Variants in STK32B observed in about 807,000 individuals in gnomAD.
The protein encoded by STK32B is serine/threonine-protein kinase 32B.
STK32B carries 43 observed loss-of-function variants against 52.6 expected under a neutral mutation model. The ratio of observed to expected loss-of-function variants is 0.82; its 90% CI spans 0.64 to 1.05. STK32B has a LOEUF of 1.05. STK32B is among the 50% of genes least tolerant of loss of function. The pLI, the probability that STK32B is intolerant of heterozygous loss-of-function variation, is 0.00. For synonymous variants in STK32B, 238 were observed against 204.3 expected (o/e 1.17, Z -1.41); for missense variants, 621 against 534.6 (o/e 1.16, Z -1.59).
chr4:5,319,845 C>T (rs985079418), intron 3 of STK32B, among the ~76,000 whole-genome samples: 2 of 152,150 alleles, frequency 1.3e-5, no homozygotes, highest in African/African-American at 4.8e-5. Context: ...GGAGAACTGA[C>T]CTGCAGAGGA....
chr4:5,317,203 T>TAC (rs1731054930), intron 3 of STK32B, among the ~76,000 whole-genome samples: 2 of 44,610 alleles, frequency 4.5e-5, no homozygotes, highest in African/African-American at 3.5e-4. Context: ...ATATATATAT[T>TAC]ATATATATAA....
chr4:5,396,879 G>A lies in STK32B; in HGVS notation c.435-1328G>A, dbSNP rs1373808634. ...TCTGCCTTTTGTTTTAATTTTATAAGTTCTCAAGTTCATCCCTCCCATGTG... is the reference window on the plus strand; with the variant it reads ...TCTGCCTTTTGTTTTAATTTTATAAATTCTCAAGTTCATCCCTCCCATGTG... On this transcript the variant is annotated intron_variant, in intron 4 of 11. Transcript: ENST00000282908. This position sits in a 1 kb window ranked among gnomAD's most constrained non-coding sequence, Gnocchi z 4.7. Among the ~76,000 whole-genome samples the A allele has an allele frequency of 6.6e-6, 1 of 152,176 alleles. No individual in the cohort carries two copies. Among genetic ancestry groups the A allele is most frequent in the Non-Finnish European group, 1.5e-5 (1 of 68,032 alleles).
intron 2 of STK32B, among the ~76,000 whole-genome samples, chr4:5,160,928 C>T (rs1718392221): frequency 6.6e-6 from 1 of 151,996 alleles, no homozygotes; most frequent in South Asian, 2.1e-4. Flanking sequence ...AGGCAAGGGC[C>T]CAAGACCTGT....
Position 5,378,261 on chromosome 4 carries a change from A to C in STK32B, c.435-19946A>C, listed in dbSNP as rs1329130030. ...GGGAGGGAAGACAGGCAAGGAGGGAACTGATGAGCGGGGACAAGGATGACA... is the reference window on the plus strand; with the variant it reads ...GGGAGGGAAGACAGGCAAGGAGGGACCTGATGAGCGGGGACAAGGATGACA... On this transcript the variant is annotated intron_variant, in intron 4 of 11. Transcript: ENST00000282908. The surrounding 1 kb of genome is among the most constrained non-coding windows in gnomAD (Gnocchi z 4.4). 6.6e-6 allele frequency among the ~76,000 whole-genome samples: 1 copy of C among 152,128 alleles called. No individual in the cohort carries two copies. The highest frequency in any genetic ancestry group is 1.5e-5 in the Non-Finnish European group (1 of 68,022).
intron 2 of STK32B, among the ~76,000 whole-genome samples, chr4:5,160,033 C>A (rs1718314971): frequency 1.3e-5 from 2 of 152,162 alleles, no homozygotes; most frequent in East Asian, 1.9e-4. Flanking sequence ...TTACAGAGGG[C>A]AATCCTGTCT....
intron 3 of STK32B, among the ~76,000 whole-genome samples, chr4:5,285,567 A>T (rs536149974): frequency 6.6e-6 from 1 of 152,310 alleles, no homozygotes; most frequent in East Asian, 1.9e-4. Context: ...TCCTGAGAAT[A>T]ACCATAGCAA....
intron 4 of STK32B, among the ~76,000 whole-genome samples, chr4:5,384,408 G>A (rs1237841357): frequency 6.6e-6 from 1 of 152,066 alleles, no homozygotes; most frequent in Non-Finnish European, 1.5e-5. Flanking sequence ...GGGAGTAAAA[G>A]GTGCTGGAGG....
chr4:5,058,811 C>T lies in STK32B; in HGVS notation c.52+6896C>T, dbSNP rs533136455. On this transcript the variant is annotated intron_variant, in intron 1 of 11. Coordinates refer to ENST00000282908, the MANE Select transcript of STK32B (RefSeq NM_018401.3). The surrounding 1 kb of genome is among the most constrained non-coding windows in gnomAD (Gnocchi z 4.8). The stretch of plus-strand genomic sequence containing the variant: ...TGTCTCCCAGGATGGAGTGCAGTGG[C>T]GTGGTATCAGCTCACTGCAACCTCT... 1.3e-5 allele frequency among the ~76,000 whole-genome samples: 2 copies of T among 152,128 alleles called. No homozygotes were observed. Among genetic ancestry groups the T allele is most frequent in the Admixed American group, 6.5e-5 (1 of 15,284 alleles).
At chr4:5,074,893 A>G (rs1429418209) in intron 1 of STK32B, among the ~76,000 whole-genome samples, 2 of 152,080 alleles carry the variant, frequency 1.3e-5, no homozygotes, top group Non-Finnish European at 2.9e-5. Flanking sequence ...TCTAGAGTGT[A>G]TCCTTCACTT....
chr4:5,463,321 TG>T (rs76498604), intron 9 of STK32B, among the ~76,000 whole-genome samples: 16,953 of 152,224 alleles, frequency 0.11, 1,477 homozygotes, highest in East Asian at 0.46. Context: ...GGCTGTGTGC[TG>T]GGATGCCCTG....
intron 3 of STK32B, among the ~76,000 whole-genome samples, chr4:5,192,339 A>G (rs1721277899): frequency 6.6e-6 from 1 of 152,210 alleles, no homozygotes; most frequent in African/African-American, 2.4e-5. Context: ...GGGGCCCTGG[A>G]AGATCAAGCT....
chr4:5,429,848 G>C (rs746399489), intron 6 of STK32B, among the ~76,000 whole-genome samples: 19 of 151,930 alleles, frequency 1.3e-4, no homozygotes, highest in Non-Finnish European at 2.2e-4. Context: ...ACTGGATACA[G>C]AACTCTGGGT....
chr4:5,304,552 G>A (rs866756521), intron 3 of STK32B, among the ~76,000 whole-genome samples: 3 of 151,796 alleles, frequency 2.0e-5, no homozygotes, highest in African/African-American at 7.3e-5. Flanking sequence ...AACTTTACTG[G>A]ATTCATTTAC....
chr4:5,210,569 G>A lies in STK32B; in HGVS notation c.260+42119G>A, dbSNP rs1314361527. Among the ~76,000 whole-genome samples, 5 of 152,048 alleles carry A rather than the reference G, an allele frequency of 3.3e-5. No individual in the cohort carries two copies. The East Asian group carries it at 7.7e-4, about 24-fold the overall frequency. The stretch of plus-strand genomic sequence containing the variant: ...TGTGCATTATGAACTCTACTTGTGG[G>A]CTTATGTCTGTGATTCCCTTACTAG... On this transcript the variant is annotated intron_variant, in intron 3 of 11. Coordinates refer to ENST00000282908, the MANE Select transcript of STK32B (RefSeq NM_018401.3).
intron 3 of STK32B, among the ~76,000 whole-genome samples, chr4:5,196,334 GTTTTTTTTTTT>G (rs35605834): frequency 8.0e-5 from 7 of 87,712 alleles, no homozygotes; most frequent in East Asian, 3.4e-4. Context: ...TCTTTCTTCA[GTTTTTTTTTTT>G]TTTTTTTTTT....
chr4:5,188,554 A>G (rs1720926744), intron 3 of STK32B, among the ~76,000 whole-genome samples: 1 of 151,996 alleles, frequency 6.6e-6, no homozygotes, highest in Non-Finnish European at 1.5e-5. Flanking sequence ...CTTCCTTCAG[A>G]TCTCTGTCTA....
At chr4:5,174,463 T>G (rs955537999) in intron 3 of STK32B, among the ~76,000 whole-genome samples, 4 of 152,228 alleles carry the variant, frequency 2.6e-5, no homozygotes, top group Non-Finnish European at 5.9e-5. Context: ...CCATGTTTAG[T>G]GCTTCCTTCA....
rs1577188516 is a variant in STK32B at position 5,203,541 on chromosome 4, A to G, written c.260+35091A>G. Among the ~76,000 whole-genome samples the G allele has an allele frequency of 4.6e-5, 7 of 152,090 alleles. No individual in the cohort carries two copies. In the South Asian group the frequency reaches 1.5e-3, roughly 32 times the overall value. ...GTGCTGAGCACTGCTGTGACTGTAC[A>G]GGGGTTGGGCCCTGCTTTTGATTAG... is the stretch of plus-strand genomic sequence containing the variant. On this transcript the variant is annotated intron_variant, in intron 3 of 11. Coordinates refer to ENST00000282908, the MANE Select transcript of STK32B (RefSeq NM_018401.3).
rs535047483 is a variant in STK32B at position 5,367,912 on chromosome 4, G to A, written c.435-30295G>A. 8.5e-5 allele frequency among the ~76,000 whole-genome samples: 13 copies of A among 152,114 alleles called. No individual in the cohort carries two copies. In the East Asian group the frequency reaches 1.9e-3, roughly 23 times the overall value. On this transcript the variant is annotated intron_variant, in intron 4 of 11. Transcript: ENST00000282908. ...CAGACCTCTCCCTGTCCACATCGCCGCCCAGGGGTGGCTTAAGGAACCTGA... is the reference window on the plus strand; with the variant it reads ...CAGACCTCTCCCTGTCCACATCGCCACCCAGGGGTGGCTTAAGGAACCTGA...
Sources: gnomAD v4.1 joint callset for allele counts (sites outside exome capture counted in the v4.1 genomes callset) on GRCh38, gnomAD v4.1.1 for gene constraint, Gnocchi (gnomAD v3.1) non-coding constraint, MANE v1.5 for transcripts, NCBI Gene and HGNC (gene_info 2026-07-23, HGNC 2026-07-21) for gene names.